Variants in REEP3 observed in about 807,000 individuals in gnomAD.
The protein encoded by REEP3 is receptor accessory protein 3, also known as receptor expression-enhancing protein 3.
In REEP3, 20 loss-of-function variants were observed where a neutral mutation model predicts 41.3. That is an observed-to-expected ratio of 0.48 (90% confidence interval 0.34 to 0.70). REEP3 has a LOEUF of 0.70. Ranked by LOEUF, REEP3 falls within the 30% of genes least tolerant of loss-of-function variation. The probability of loss-of-function intolerance (pLI) is 0.01; values close to 1 mark genes in which losing one functional copy is unlikely to be tolerated. For missense variants in REEP3, 271 were observed against 308.8 expected, an observed-to-expected ratio of 0.88 and a Z score of 0.92; for synonymous variants, 104 against 101.8, an observed-to-expected ratio of 1.02 and a Z score of -0.13.
At chr10:63,611,671 AG>A (rs1247187736) in intron 6 of REEP3, among the ~76,000 whole-genome samples, 1 of 152,094 alleles carries the variant, frequency 6.6e-6, no homozygotes, top group East Asian at 1.9e-4. Context: ...TAAAAAAAGA[AG>A]TTTTCTTTTG....
chr10:63,556,509 G>T (rs1955681924), intron 1 of REEP3, among the ~76,000 whole-genome samples: 1 of 144,950 alleles, frequency 6.9e-6, no homozygotes, highest in Non-Finnish European at 1.6e-5. Context: ...TATTATAAAT[G>T]ACAGAAAAAT....
At chr10:63,539,030 T>G (rs1313570715) in intron 1 of REEP3, among the ~76,000 whole-genome samples, 1 of 152,178 alleles carries the variant, frequency 6.6e-6, no homozygotes, top group Non-Finnish European at 1.5e-5. Context: ...AGATTTCTAG[T>G]TAAAGAATGC....
chr10:63,565,411 A>G (rs770005216), intron 1 of REEP3, among the ~76,000 whole-genome samples: 1 of 152,220 alleles, frequency 6.6e-6, no homozygotes, highest in African/African-American at 2.4e-5. Context: ...TCATTTGTAC[A>G]TATGTCTTGG....
intron 1 of REEP3, among the ~76,000 whole-genome samples, chr10:63,539,277 A>G (rs1955504398): frequency 6.6e-6 from 1 of 152,102 alleles, no homozygotes; most frequent in Admixed American, 6.5e-5. Context: ...TTTTGGTAAC[A>G]TTTAATCTGT....
At chr10:63,594,568 GT>G (rs1360299600) in intron 2 of REEP3, among the ~76,000 whole-genome samples, 4 of 152,138 alleles carry the variant, frequency 2.6e-5, no homozygotes, top group Admixed American at 2.6e-4. Flanking sequence ...TCCCAAGACT[GT>G]TGATGTAGTA....
intron 1 of REEP3, among the ~76,000 whole-genome samples, chr10:63,560,469 G>C (rs1481185725): frequency 6.6e-6 from 1 of 152,142 alleles, no homozygotes; most frequent in East Asian, 1.9e-4. Context: ...AAAATGATAT[G>C]AGGACCATCT....
At chr10:63,565,703 A>G (rs1251231349) in intron 1 of REEP3, among the ~76,000 whole-genome samples, 1 of 152,152 alleles carries the variant, frequency 6.6e-6, no homozygotes, top group Non-Finnish European at 1.5e-5. Flanking sequence ...GCCTGTGATT[A>G]TCTCTGACTG....
At chr10:63,555,333 A>G (rs1955668033) in intron 1 of REEP3, among the ~76,000 whole-genome samples, 1 of 152,228 alleles carries the variant, frequency 6.6e-6, no homozygotes, top group Non-Finnish European at 1.5e-5. Flanking sequence ...TCACTTAACC[A>G]TTGTTTTACT....
chr10:63,592,631 C>A (rs1956075127), intron 2 of REEP3, among the ~76,000 whole-genome samples: 1 of 152,120 alleles, frequency 6.6e-6, no homozygotes, highest in Non-Finnish European at 1.5e-5. Context: ...TGGCTCATGC[C>A]TGTAATCCCA....
chr10:63,611,325 T>A (rs1005367787), intron 6 of REEP3, among the ~76,000 whole-genome samples: 9 of 152,198 alleles, frequency 5.9e-5, no homozygotes, highest in Non-Finnish European at 1.2e-4. Context: ...GACTCACAGA[T>A]TAAAAGTTTT....
Position 63,610,271 on chromosome 10 carries a change from A to G in REEP3, c.502A>G (p.Arg168Gly). 6.3e-7 allele frequency: 1 copy of G among 1,589,826 alleles called. No individual in the cohort carries two copies. Among genetic ancestry groups the G allele is most frequent in the Non-Finnish European group, 8.6e-7 (1 of 1,166,514 alleles). ...TIQGDEPVGQ[R>G]PYQPLPEAKK... ...CCAAGGTGATGAGCCTGTGGGACAAAGACCATACCAACCTCTACCAGAAGC... is the reference window on the plus strand; with the variant it reads ...CCAAGGTGATGAGCCTGTGGGACAAGGACCATACCAACCTCTACCAGAAGC... Residue 168 changes from arginine (R) to glycine (G), a missense_variant, in exon 6 of 8, where the codon AGA becomes GGA. Transcript: ENST00000373758.
intron 1 of REEP3, among the ~76,000 whole-genome samples, chr10:63,546,029 G>C (rs889019813): frequency 6.6e-6 from 1 of 152,094 alleles, no homozygotes; most frequent in African/African-American, 2.4e-5. Context: ...AAGCCAACCG[G>C]GTGTAAACCC....
intron 1 of REEP3, among the ~76,000 whole-genome samples, chr10:63,534,059 G>A (rs1183607328): frequency 6.6e-6 from 1 of 151,840 alleles, no homozygotes; most frequent in Non-Finnish European, 1.5e-5. Flanking sequence ...GTGAAATAAA[G>A]TTATATGAGA....
At chr10:63,569,919 C>A (rs1370994827) in intron 2 of REEP3, among the ~76,000 whole-genome samples, 1 of 151,874 alleles carries the variant, frequency 6.6e-6, no homozygotes, top group Non-Finnish European at 1.5e-5. Context: ...CCAACCTGGA[C>A]AACAGAATGA....
At chr10:63,565,627 T>G (rs1955790924) in intron 1 of REEP3, among the ~76,000 whole-genome samples, 1 of 152,170 alleles carries the variant, frequency 6.6e-6, no homozygotes, top group East Asian at 1.9e-4. Flanking sequence ...ATTGTGTACG[T>G]GTATGTTTAT....
chr10:63,545,493 G>A (rs1053863489), intron 1 of REEP3, among the ~76,000 whole-genome samples: 7 of 151,188 alleles, frequency 4.6e-5, no homozygotes, highest in Middle Eastern at 3.5e-3. Flanking sequence ...TTCTGCCTCC[G>A]CCTCCCAAAT....
chr10:63,587,129 C>T (rs79962861), intron 2 of REEP3, among the ~76,000 whole-genome samples: 7,749 of 152,170 alleles, frequency 0.051, 266 homozygotes, highest in Non-Finnish European at 0.076. Flanking sequence ...ACCATGTAGA[C>T]TGAATGCAGA....
chr10:63,561,471 A>G (rs1357358786), intron 1 of REEP3, among the ~76,000 whole-genome samples: 1 of 152,246 alleles, frequency 6.6e-6, no homozygotes, highest in Non-Finnish European at 1.5e-5. Flanking sequence ...TAGAAATACA[A>G]GAGGCATATT....
intron 5 of REEP3, among the ~76,000 whole-genome samples, chr10:63,600,538 A>G (rs181374778): frequency 2.0e-5 from 3 of 152,154 alleles, no homozygotes; most frequent in Non-Finnish European, 4.4e-5. Flanking sequence ...TTAAAGGACT[A>G]TGTTTTATTT....
Sources: gnomAD v4.1 joint callset for allele counts (sites outside exome capture counted in the v4.1 genomes callset) on GRCh38, gnomAD v4.1.1 for gene constraint, MANE v1.5 for transcripts, NCBI Gene and HGNC (gene_info 2026-07-23, HGNC 2026-07-21) for gene names.